NR6A1: variants seen among roughly 807,000 people sequenced by gnomAD.
NR6A1 encodes the protein nuclear receptor subfamily 6 group A member 1.
Under a neutral mutation model 59.1 loss-of-function variants are expected in NR6A1, and 7 were observed. The observed-to-expected ratio is 0.12, with a 90% CI of 0.07 to 0.22. NR6A1 has a LOEUF of 0.22. Among genes scored for constraint, NR6A1 ranks in the 10% least tolerant of loss-of-function variants. NR6A1 has a pLI of 1.00. For missense variants in NR6A1, 468 were observed against 611.6 expected (o/e 0.77, Z 2.48); for synonymous variants, 243 against 236.1 (o/e 1.03, Z -0.27).
chr9:124,760,314 A>G (rs981933780), intron 1 of NR6A1, among the ~76,000 whole-genome samples: 1 of 151,962 alleles, frequency 6.6e-6, no homozygotes, highest in African/African-American at 2.4e-5. Flanking sequence ...TCCAACTAAA[A>G]AAAAATAAAT....
intron 2 of NR6A1, among the ~76,000 whole-genome samples, chr9:124,555,089 C>T (rs998991223): frequency 6.6e-6 from 1 of 152,172 alleles, no homozygotes; most frequent in African/African-American, 2.4e-5. Flanking sequence ...TGAACAGAAG[C>T]CCCTGGTGAA....
rs1213210346 is a variant in NR6A1 at position 124,517,484 on chromosome 9, G to A, written c.*5221C>T. The A allele has an allele frequency of 2.6e-5, 4 of 152,252 alleles. No homozygotes were observed. Among genetic ancestry groups the A allele is most frequent in the Non-Finnish European group, 5.9e-5 (4 of 68,058 alleles). 9.4% of individuals were successfully genotyped at this position (152,252 alleles called of 1,614,324 possible). On this transcript the variant is annotated 3_prime_UTR_variant, in exon 10 of 10. Transcript: ENST00000487099. ...ATCATTTGGTCATGGAGGGTTGATGGAGTCAGGCTGGCGGGCAGCCCTTGG... is the reference window on the plus strand; with the variant it reads ...ATCATTTGGTCATGGAGGGTTGATGAAGTCAGGCTGGCGGGCAGCCCTTGG...
intron 2 of NR6A1, chr9:124,599,232 C>T: frequency 4.4e-6 from 2 of 451,064 alleles, no homozygotes; most frequent in Non-Finnish European, 4.1e-6. Flanking sequence ...AACCTGAGGT[C>T]AGGAGTTTGA....
chr9:124,583,119 C>A (rs920080738), intron 2 of NR6A1, among the ~76,000 whole-genome samples: 1 of 152,142 alleles, frequency 6.6e-6, no homozygotes, highest in African/African-American at 2.4e-5. Context: ...ACAATGATTG[C>A]TCAGCAAATC....
In NR6A1 at chr9:124,727,332, T is replaced by C. The variant is rs2092908116; in HGVS notation, c.142+5976A>G. Among the ~76,000 whole-genome samples the C allele has an allele frequency of 2.6e-5, 4 of 152,234 alleles. No homozygotes were observed. The South Asian group carries it at 6.2e-4, about 24-fold the overall frequency. On this transcript the variant is annotated intron_variant, in intron 2 of 9. Coordinates refer to ENST00000487099, the MANE Select transcript of NR6A1 (RefSeq NM_033334.4). Reference sequence around the variant, plus strand: ...TGGAGAAGAGTGAAATTTGTTTTTTTGCCATGTGATGAAGACCACTGTGAT... The same window carrying C: ...TGGAGAAGAGTGAAATTTGTTTTTTCGCCATGTGATGAAGACCACTGTGAT...
At chr9:124,700,675 G>C (rs1170336376) in intron 2 of NR6A1, among the ~76,000 whole-genome samples, 1 of 150,808 alleles carries the variant, frequency 6.6e-6, no homozygotes. Context: ...TTCACCAGCT[G>C]CTGGATATTT....
At chr9:124,525,694 T>C (rs1832914566) in intron 8 of NR6A1, among the ~76,000 whole-genome samples, 1 of 149,786 alleles carries the variant, frequency 6.7e-6, no homozygotes, top group African/African-American at 2.5e-5. Flanking sequence ...TCTCTCTCTC[T>C]CTCTCTATAT....
chr9:124,580,444 G>T (rs1188935406), intron 2 of NR6A1, among the ~76,000 whole-genome samples: 2 of 151,980 alleles, frequency 1.3e-5, no homozygotes, highest in East Asian at 1.9e-4. Context: ...TTGAGGTAAA[G>T]AAATGGTTCT....
At chr9:124,628,912 G>A (rs554156843) in intron 2 of NR6A1, among the ~76,000 whole-genome samples, 76 of 151,614 alleles carry the variant, frequency 5.0e-4, no homozygotes, top group African/African-American at 1.7e-3. Context: ...TGCCCACCTC[G>A]GCCTCCCAAA....
rs561172397 is a variant in NR6A1 at position 124,749,038 on chromosome 9, G to A, written c.101-15689C>T. On this transcript the variant is annotated intron_variant, in intron 1 of 9. Transcript: ENST00000487099. ...AGCACTTTGGGAGGCCAAGGCGGGC[G>A]GATCACCTGAAGTAGGGAGTTTGAG... is the stretch of plus-strand genomic sequence containing the variant. Among the ~76,000 whole-genome samples, 12 of 152,196 alleles carry A rather than the reference G, an allele frequency of 7.9e-5. No homozygotes were observed. In the East Asian group the frequency reaches 1.4e-3, roughly 17 times the overall value.
intron 2 of NR6A1, among the ~76,000 whole-genome samples, chr9:124,625,294 G>A (rs945309152): frequency 1.3e-5 from 2 of 152,160 alleles, no homozygotes; most frequent in African/African-American, 4.8e-5. Context: ...AAGATCGGTT[G>A]AGATAATGCA....
At chr9:124,741,092 C>T (rs1309572835) in intron 1 of NR6A1, among the ~76,000 whole-genome samples, 2 of 152,174 alleles carry the variant, frequency 1.3e-5, no homozygotes, top group Admixed American at 6.5e-5. Flanking sequence ...CATATATCTA[C>T]ACTGTCCAAT....
intron 2 of NR6A1, chr9:124,658,528 C>G (rs1410793350): frequency 6.6e-6 from 1 of 152,066 alleles, no homozygotes; most frequent in Non-Finnish European, 1.5e-5. Context: ...AAACTCATTT[C>G]TCTACTGGGA....
At position 124,756,034 on chromosome 9, in the gene NR6A1, CTT is replaced by C. The variant is rs138237842; in HGVS notation, c.100+14984_100+14985del. On this transcript the variant is annotated intron_variant, in intron 1 of 9. Coordinates refer to ENST00000487099, the MANE Select transcript of NR6A1 (RefSeq NM_033334.4). ...AAATGATCAACAAATAGATGACAAA[CTT>C]AATTATTTTTGTAGCCCATATTAGG... Among the ~76,000 whole-genome samples, 1,054 of 152,262 alleles carry C rather than the reference CTT, an allele frequency of 6.9e-3. 5 individuals are homozygous for C. Among genetic ancestry groups the C allele is most frequent in the African/African-American group, 0.024 (1,001 of 41,556 alleles).
At chr9:124,760,107 T>C (rs1036664767) in intron 1 of NR6A1, among the ~76,000 whole-genome samples, 3 of 150,046 alleles carry the variant, frequency 2.0e-5, no homozygotes, top group Non-Finnish European at 4.4e-5. Flanking sequence ...AGATCACAAG[T>C]TCGAGACCAG....
At chr9:124,551,338 T>C (rs961930465) in intron 3 of NR6A1, among the ~76,000 whole-genome samples, 1 of 152,234 alleles carries the variant, frequency 6.6e-6, no homozygotes, top group Non-Finnish European at 1.5e-5. Flanking sequence ...CGAATACATA[T>C]TGATACACTG....
intron 2 of NR6A1, among the ~76,000 whole-genome samples, chr9:124,676,290 GCAAA>G (rs974631059): frequency 6.6e-6 from 1 of 152,078 alleles, no homozygotes; most frequent in African/African-American, 2.4e-5. Flanking sequence ...GCAAACTCTG[GCAAA>G]CAGACAGTGC....
chr9:124,612,210 C>G (rs1835769355), intron 2 of NR6A1, among the ~76,000 whole-genome samples: 1 of 152,154 alleles, frequency 6.6e-6, no homozygotes, highest in Non-Finnish European at 1.5e-5. Flanking sequence ...GGATAGGTTT[C>G]CACTGCTGAC....
At chr9:124,654,840 A>ACT (rs760257575) in intron 2 of NR6A1, among the ~76,000 whole-genome samples, 2 of 148,712 alleles carry the variant, frequency 1.3e-5, no homozygotes, top group Non-Finnish European at 3.0e-5. Flanking sequence ...ATACCTAGAT[A>ACT]CTGGTTGCTT....
Sources: gnomAD v4.1 joint callset for allele counts (sites outside exome capture counted in the v4.1 genomes callset) on GRCh38, gnomAD v4.1.1 for gene constraint, MANE v1.5 for transcripts, NCBI Gene and HGNC (gene_info 2026-07-23, HGNC 2026-07-21) for gene names.